GRID1: variants seen among roughly 807,000 people sequenced by gnomAD.
GRID1 encodes glutamate receptor ionotropic, delta-1.
A neutral mutation model predicts 98.0 loss-of-function variants in GRID1; 28 were observed. The ratio of observed to expected loss-of-function variants is 0.29; its 90% CI spans 0.21 to 0.39. The LOEUF is 0.39. Ranked by LOEUF, GRID1 falls within the 10% of genes least tolerant of loss-of-function variation. GRID1 has a pLI of 1.00. For missense variants in GRID1, 1,111 were observed against 1,340.5 expected (o/e 0.83, Z 2.67); for synonymous variants, 553 against 538.5 (o/e 1.03, Z -0.37).
At chr10:86,305,275 GA>G (rs1396967958) in intron 2 of GRID1, among the ~76,000 whole-genome samples, 1 of 152,106 alleles carries the variant, frequency 6.6e-6, no homozygotes, top group East Asian at 1.9e-4. Context: ...TCTCTTGGGG[GA>G]AGCCCTCCCT....
intron 2 of GRID1, among the ~76,000 whole-genome samples, chr10:86,229,389 G>A (rs895795755): frequency 1.3e-5 from 2 of 152,172 alleles, no homozygotes; most frequent in African/African-American, 4.8e-5. Flanking sequence ...CAAGGTTAAA[G>A]CCACTTAACT....
chr10:85,865,223 T>C (rs1214739063), intron 6 of GRID1, among the ~76,000 whole-genome samples: 1 of 152,212 alleles, frequency 6.6e-6, no homozygotes, highest in Non-Finnish European at 1.5e-5. Flanking sequence ...ACAACAGTGC[T>C]GCATGCTGGC....
intron 12 of GRID1, among the ~76,000 whole-genome samples, chr10:85,701,376 G>A (rs1422999403): frequency 1.6e-5 from 2 of 128,538 alleles, no homozygotes; most frequent in Non-Finnish European, 3.6e-5. Flanking sequence ...GAATATGGAC[G>A]CCAAGAAAAA....
Position 85,913,357 on chromosome 10 carries a change from A to C in GRID1, c.780+2829T>G, listed in dbSNP as rs1291069034. On this transcript the variant is annotated intron_variant, in intron 5 of 15. Transcript: ENST00000327946. ...ACCATTAATAGCTGCATGACCTTGA[A>C]CAAGTGATTTAACCTCTGGAGACTC... Among the ~76,000 whole-genome samples, 3 of 152,236 alleles carry C rather than the reference A, an allele frequency of 2.0e-5. No homozygotes were observed. The East Asian group carries it at 5.8e-4, about 29-fold the overall frequency.
In GRID1 at chr10:85,599,759, T is replaced by C. The variant is rs1842543201; in HGVS notation, c.*2514A>G. On this transcript the variant is annotated 3_prime_UTR_variant, in exon 16 of 16. Transcript: ENST00000327946. Reference sequence around the variant, plus strand: ...AGAGAACTTGCTTGAATATCAATCATTTCCCCTCATGCCAAGGGTAGAAAA... The same window carrying C: ...AGAGAACTTGCTTGAATATCAATCACTTCCCCTCATGCCAAGGGTAGAAAA... 1.7e-5 allele frequency: 2 copies of C among 115,014 alleles called. No homozygotes were observed. The highest frequency in any genetic ancestry group is 5.5e-4 in the South Asian group (2 of 3,644). The allele number at this position is 115,014 out of a possible 1,614,324, so 7.1% of individuals were successfully genotyped here. A position where few individuals can be genotyped will look rare whatever the true frequency, so the allele number is the denominator to read the frequency against.
intron 5 of GRID1, among the ~76,000 whole-genome samples, chr10:85,872,637 C>T (rs1843290134): frequency 6.6e-6 from 1 of 152,224 alleles, no homozygotes. Flanking sequence ...AGGGCAGCCA[C>T]CACATCAAGT....
At position 85,865,954 on chromosome 10, in the gene GRID1, TGGAGAG is replaced by T. The variant is rs1202637482; in HGVS notation, c.951+3050_951+3055del. Among the ~76,000 whole-genome samples the T allele has an allele frequency of 6.0e-3, 324 of 54,404 alleles. 6 individuals are homozygous for T. The highest frequency in any genetic ancestry group is 0.02 in the African/African-American group (261 of 12,942). The allele number at this position is 54,404 out of a possible 152,430, so 35.7% of individuals were successfully genotyped here. A position where few individuals can be genotyped will look rare whatever the true frequency, so the allele number is the denominator to read the frequency against. Reference sequence around the variant, plus strand: ...ATATATATATATATACACATATATATGGAGAGAGAGAGAGAGAGAGAGAGAGAGAGA... The same window carrying T: ...ATATATATATATATACACATATATATAGAGAGAGAGAGAGAGAGAGAGAGA... On this transcript the variant is annotated intron_variant, in intron 6 of 15. Transcript: ENST00000327946.
At chr10:85,955,971 T>G (rs1311444713) in intron 4 of GRID1, among the ~76,000 whole-genome samples, 3 of 152,080 alleles carry the variant, frequency 2.0e-5, no homozygotes, top group Non-Finnish European at 2.9e-5. Flanking sequence ...CACAGTAATT[T>G]CTCATGAGCT....
At chr10:86,362,601 A>G (rs1186417571) in intron 2 of GRID1, among the ~76,000 whole-genome samples, 1 of 152,166 alleles carries the variant, frequency 6.6e-6, no homozygotes, top group Non-Finnish European at 1.5e-5. Context: ...CCCCAGAAGT[A>G]GTCCCCGGTC....
At chr10:86,209,118 A>G (rs908866280) in intron 2 of GRID1, among the ~76,000 whole-genome samples, 2 of 152,286 alleles carry the variant, frequency 1.3e-5, no homozygotes, top group Admixed American at 6.5e-5. Context: ...AAACATCAAC[A>G]TGCATGAAAG....
At chr10:85,620,788 C>A (rs11201698) in intron 13 of GRID1, among the ~76,000 whole-genome samples, 20,216 of 152,262 alleles carry the variant, frequency 0.13, 1,569 homozygotes, top group Middle Eastern at 0.25. Context: ...TGCACACGCA[C>A]ATACATGTGT....
At chr10:86,005,906 A>C (rs765914473) in intron 4 of GRID1, among the ~76,000 whole-genome samples, 1 of 152,224 alleles carries the variant, frequency 6.6e-6, no homozygotes, top group Non-Finnish European at 1.5e-5. Context: ...ACATAATCTT[A>C]TGTAGACATA....
intron 12 of GRID1, among the ~76,000 whole-genome samples, chr10:85,686,499 C>T (rs1269867507): frequency 2.0e-5 from 3 of 152,060 alleles, no homozygotes; most frequent in African/African-American, 7.2e-5. Flanking sequence ...TTAAAATAAA[C>T]TTTACTATAT....
At chr10:85,616,033 C>T (rs939854783) in intron 14 of GRID1, among the ~76,000 whole-genome samples, 5 of 152,172 alleles carry the variant, frequency 3.3e-5, no homozygotes, top group African/African-American at 1.2e-4. Flanking sequence ...GATATTGCGA[C>T]AAAATGAGAA....
chr10:85,647,139 T>G, intron 13 of GRID1, 63 bp downstream of exon 13: 1 of 1,353,980 alleles, frequency 7.4e-7, no homozygotes, highest in Non-Finnish European at 1.1e-6. Context: ...GTCTCCCACC[T>G]GGGGGCTGAC....
Position 85,686,727 on chromosome 10 carries a change from T to C in GRID1, c.1997+36276A>G, listed in dbSNP as rs188155398. On this transcript the variant is annotated intron_variant, in intron 12 of 15. Transcript: ENST00000327946. ...TTAAGAGATAAAATATTTAAAATAA[T>C]CCTATATTTTATTTACAGATGCATA... 1.2e-4 allele frequency among the ~76,000 whole-genome samples: 19 copies of C among 152,180 alleles called. No homozygotes were observed. In the East Asian group the frequency reaches 3.7e-3, roughly 29 times the overall value.
intron 12 of GRID1, among the ~76,000 whole-genome samples, chr10:85,684,737 T>C (rs1841249590): frequency 6.6e-6 from 1 of 152,198 alleles, no homozygotes; most frequent in Admixed American, 6.5e-5. Context: ...ATAGACTGGG[T>C]GGCTTAAATA....
intron 13 of GRID1, among the ~76,000 whole-genome samples, chr10:85,639,427 G>GTC (rs1442329432): frequency 1.3e-5 from 2 of 152,196 alleles, no homozygotes; most frequent in Admixed American, 6.5e-5. Flanking sequence ...GAGGAGAAGT[G>GTC]TAAAAAGTGA....
At chr10:85,910,358 G>T (rs75458121) in intron 5 of GRID1, among the ~76,000 whole-genome samples, 1 of 152,108 alleles carries the variant, frequency 6.6e-6, no homozygotes, top group South Asian at 2.1e-4. Context: ...TAGAGCATTC[G>T]CATCTTCCTC....
Sources: gnomAD v4.1 joint callset for allele counts (sites outside exome capture counted in the v4.1 genomes callset) on GRCh38, gnomAD v4.1.1 for gene constraint, MANE v1.5 for transcripts, NCBI Gene and HGNC (gene_info 2026-07-23, HGNC 2026-07-21) for gene names.